The following AUTS2 variants were observed in gnomAD, a reference collection of about 807,000 sequenced individuals.
AUTS2 encodes activator of transcription and developmental regulator AUTS2.
A neutral mutation model predicts 112.4 loss-of-function variants in AUTS2; 17 were observed. The observed-to-expected ratio is 0.15, with a 90% confidence interval of 0.10 to 0.23. AUTS2 has a LOEUF of 0.23. Ranked by LOEUF, AUTS2 falls within the 10% of genes least tolerant of loss-of-function variation. The pLI, the probability that AUTS2 is intolerant of heterozygous loss-of-function variation, is 1.00. For missense variants in AUTS2, 1,510 were observed against 1,701.6 expected (o/e 0.89, Z 1.98); for synonymous variants, 751 against 702.7 (o/e 1.07, Z -1.09).
intron 4 of AUTS2, among the ~76,000 whole-genome samples, chr7:70,330,905 T>C (rs1790715575): frequency 6.6e-6 from 1 of 152,222 alleles, no homozygotes; most frequent in Admixed American, 6.5e-5. Flanking sequence ...AATTGTATTA[T>C]TTTCTTAATT....
chr7:70,717,391 C>G lies in AUTS2; in HGVS notation c.742+18771C>G, dbSNP rs182089396. The stretch of plus-strand genomic sequence containing the variant: ...AGAGATGGGGTCTTGCTGTGTTGCA[C>G]AGGCTGGTCTGGAACTCCTGGCCTC... On this transcript the variant is annotated intron_variant, in intron 6 of 18. Transcript: ENST00000342771. Among the ~76,000 whole-genome samples the G allele has an allele frequency of 1.5e-3, 225 of 152,204 alleles. 1 individual carries two copies. Among genetic ancestry groups the G allele is most frequent in the African/African-American group, 5.1e-3 (213 of 41,518 alleles).
At chr7:70,052,253 A>G (rs1226617439) in intron 2 of AUTS2, among the ~76,000 whole-genome samples, 1 of 152,138 alleles carries the variant, frequency 6.6e-6, no homozygotes, top group East Asian at 1.9e-4. Context: ...CATTCATGAT[A>G]GGGGGTTCCA....
chr7:69,898,993 G>T (rs559278633), intron 1 of AUTS2, among the ~76,000 whole-genome samples: 1 of 152,140 alleles, frequency 6.6e-6, no homozygotes, highest in Non-Finnish European at 1.5e-5. Flanking sequence ...GCACCAAATC[G>T]AACAGAAAGC....
intron 5 of AUTS2, among the ~76,000 whole-genome samples, chr7:70,590,599 A>G (rs896045197): frequency 6.6e-6 from 1 of 152,158 alleles, no homozygotes; most frequent in Non-Finnish European, 1.5e-5. Context: ...GCCGGTCATC[A>G]TAGTTTTATA....
chr7:70,443,997 GT>G (rs1796217890), intron 5 of AUTS2, among the ~76,000 whole-genome samples: 1 of 152,218 alleles, frequency 6.6e-6, no homozygotes, highest in Non-Finnish European at 1.5e-5. Context: ...ATGATTCTGT[GT>G]TCCCACAGAA....
intron 4 of AUTS2, among the ~76,000 whole-genome samples, chr7:70,296,890 G>A (rs1455297060): frequency 6.8e-6 from 1 of 147,830 alleles, no homozygotes; most frequent in African/African-American, 2.5e-5. Flanking sequence ...CACCCAGGCT[G>A]GAGTTCAGTG....
At chr7:70,629,234 A>G (rs1805128201) in intron 5 of AUTS2, among the ~76,000 whole-genome samples, 1 of 152,138 alleles carries the variant, frequency 6.6e-6, no homozygotes, top group South Asian at 2.1e-4. Context: ...ATTTTGGGAA[A>G]CCAAGGTGGG....
intron 2 of AUTS2, among the ~76,000 whole-genome samples, chr7:70,066,504 T>A (rs558492091): frequency 1.1e-3 from 167 of 152,186 alleles, no homozygotes; most frequent in African/African-American, 4.0e-3. Context: ...AAAGTTTAAT[T>A]TTAAAATCTA....
intron 1 of AUTS2, among the ~76,000 whole-genome samples, chr7:69,787,681 G>A (rs1402541682): frequency 1.3e-5 from 2 of 152,128 alleles, no homozygotes; most frequent in Non-Finnish European, 2.9e-5. Flanking sequence ...GTAATCCCAA[G>A]AAGCTGGGAT....
chr7:69,894,654 AG>A (rs1002903791), intron 1 of AUTS2, among the ~76,000 whole-genome samples: 3 of 152,180 alleles, frequency 2.0e-5, no homozygotes, highest in Non-Finnish European at 4.4e-5. Context: ...TTCCTACTAT[AG>A]GGAGATCATC....
At chr7:69,948,170 C>G (rs1796890188) in intron 2 of AUTS2, among the ~76,000 whole-genome samples, 2 of 152,182 alleles carry the variant, frequency 1.3e-5, no homozygotes, top group African/African-American at 2.4e-5. Context: ...ATCTTTATCC[C>G]TTGAGTAGTC....
At chr7:70,385,858 G>T (rs1793583470) in intron 4 of AUTS2, among the ~76,000 whole-genome samples, 2 of 152,148 alleles carry the variant, frequency 1.3e-5, no homozygotes, top group Admixed American at 6.5e-5. Flanking sequence ...AGAGATATGG[G>T]CTGTATCACA....
chr7:70,315,492 CT>C (rs753435602), intron 4 of AUTS2, among the ~76,000 whole-genome samples: 6 of 152,278 alleles, frequency 3.9e-5, no homozygotes, highest in Non-Finnish European at 5.9e-5. Context: ...GTCACTGCCC[CT>C]GGCCTGTCTT....
chr7:70,464,172 C>T (rs1399625999), intron 5 of AUTS2, among the ~76,000 whole-genome samples: 1 of 152,226 alleles, frequency 6.6e-6, no homozygotes, highest in African/African-American at 2.4e-5. Context: ...CATTGCCTAA[C>T]ACATGGTAGA....
At chr7:70,412,863 C>T (rs1167671607) in intron 4 of AUTS2, among the ~76,000 whole-genome samples, 1 of 152,160 alleles carries the variant, frequency 6.6e-6, no homozygotes, top group African/African-American at 2.4e-5. Flanking sequence ...TGCTGGCGTG[C>T]GCCTGTAATC....
At chr7:70,427,308 T>G (rs1317663443) in intron 4 of AUTS2, among the ~76,000 whole-genome samples, 1 of 152,216 alleles carries the variant, frequency 6.6e-6, no homozygotes, top group African/African-American at 2.4e-5. Flanking sequence ...ACTGTCAGTT[T>G]TACCTTTGGA....
At chr7:69,874,587 G>A (rs1793644428) in intron 1 of AUTS2, among the ~76,000 whole-genome samples, 1 of 152,162 alleles carries the variant, frequency 6.6e-6, no homozygotes, top group South Asian at 2.1e-4. Context: ...TAGTCACAGT[G>A]AGGTGGACAA....
chr7:69,614,367 T>TCTTTTCTTTCTTTTCTTTC (rs57602451), intron 1 of AUTS2, among the ~76,000 whole-genome samples: 14 of 90,174 alleles, frequency 1.6e-4, no homozygotes, highest in Admixed American at 2.4e-4. Flanking sequence ...TTTCTTTCTT[T>TCTTTTCTTTCTTTTCTTTC]TTTTAAGAGA....
chr7:69,839,133 C>T (rs1791857448), intron 1 of AUTS2, among the ~76,000 whole-genome samples: 1 of 152,146 alleles, frequency 6.6e-6, no homozygotes, highest in Admixed American at 6.5e-5. Context: ...AGTGTATGAA[C>T]CCCTTTGCCT....
Sources: gnomAD v4.1 joint callset for allele counts (sites outside exome capture counted in the v4.1 genomes callset) on GRCh38, gnomAD v4.1.1 for gene constraint, MANE v1.5 for transcripts, NCBI Gene and HGNC (gene_info 2026-07-23, HGNC 2026-07-21) for gene names.